The following CPNE4 variants were observed in gnomAD, a reference collection of about 807,000 sequenced individuals.
The protein encoded by CPNE4 is copine 4, also known as copine-4.
A neutral mutation model predicts 67.9 loss-of-function variants in CPNE4; 25 were observed. The observed-to-expected ratio is 0.37, with a 90% CI of 0.27 to 0.51. The LOEUF (loss-of-function observed/expected upper bound fraction) is 0.51, where lower values mean the gene tolerates loss of function less well. Among genes scored for constraint, CPNE4 ranks in the 20% least tolerant of loss-of-function variants. CPNE4 has a pLI of 0.93. For missense variants in CPNE4, 464 were observed against 690.8 expected, an observed-to-expected ratio of 0.67 and a Z score of 3.68; for synonymous variants, 242 against 244.9, an observed-to-expected ratio of 0.99 and a Z score of 0.11.
intron 2 of CPNE4, among the ~76,000 whole-genome samples, chr3:131,761,111 C>T (rs1417070894): frequency 2.0e-5 from 3 of 151,216 alleles, no homozygotes; most frequent in East Asian, 3.9e-4. Context: ...TGCTTTTTCC[C>T]CTCAAGAGGG....
chr3:131,919,321 T>C (rs1374877762), intron 1 of CPNE4, among the ~76,000 whole-genome samples: 1 of 152,048 alleles, frequency 6.6e-6, no homozygotes, highest in Non-Finnish European at 1.5e-5. Context: ...AAGAAAAGGA[T>C]GGGGAATAAC....
intron 1 of CPNE4, among the ~76,000 whole-genome samples, chr3:131,918,077 A>G (rs963413755): frequency 1.3e-4 from 20 of 152,206 alleles, no homozygotes; most frequent in African/African-American, 4.8e-4. Context: ...TTCAAGAGTT[A>G]TGGAAGGTAG....
At chr3:131,862,955 G>C (rs1277961221) in intron 2 of CPNE4, among the ~76,000 whole-genome samples, 1 of 150,090 alleles carries the variant, frequency 6.7e-6, no homozygotes, top group East Asian at 2.0e-4. Flanking sequence ...GAGAACATGC[G>C]GTGTTTGGTT....
At chr3:131,901,781 G>A (rs1018524244) in intron 2 of CPNE4, among the ~76,000 whole-genome samples, 2 of 152,112 alleles carry the variant, frequency 1.3e-5, no homozygotes, top group Non-Finnish European at 2.9e-5. Context: ...TCACCCAGAG[G>A]AGTGCTGGCT....
At position 131,697,999 on chromosome 3, in the gene CPNE4, A is replaced by T. The variant is rs2081194660; in HGVS notation, c.433-1383T>A. ...TGTAATCCCAGCACTTTGGGAGGTG[A>T]GGCGGGCGGATCACGAGGTCAGGAG... On this transcript the variant is annotated intron_variant, in intron 4 of 15. Coordinates refer to ENST00000429747, the MANE Select transcript of CPNE4 (RefSeq NM_130808.3). Among the ~76,000 whole-genome samples the T allele has an allele frequency of 2.0e-5, 3 of 151,972 alleles. No homozygotes were observed. In the South Asian group the frequency reaches 6.2e-4, roughly 32 times the overall value.
intron 2 of CPNE4, among the ~76,000 whole-genome samples, chr3:131,754,357 CCAAA>C (rs2082704323): frequency 6.6e-6 from 1 of 150,738 alleles, no homozygotes; most frequent in Non-Finnish European, 1.5e-5. Flanking sequence ...GAGGGTGGAA[CCAAA>C]CAAAGAAGTA....
In CPNE4 at chr3:131,564,187, A is replaced by T. The variant is rs759862889; in HGVS notation, c.1061+29T>A. 2.9e-5 allele frequency: 47 copies of T among 1,611,748 alleles called. No homozygotes were observed. The Middle Eastern group carries it at 5.0e-4, about 17-fold the overall frequency. The stretch of plus-strand genomic sequence containing the variant: ...CGTCTGAACCCACATGAGAGATGAT[A>T]AGGCTCCAAATGTCCTGAAGCCTCT... On this transcript the variant is annotated intron_variant, in intron 11 of 15. Coordinates refer to ENST00000429747, the MANE Select transcript of CPNE4 (RefSeq NM_130808.3).
intron 10 of CPNE4, among the ~76,000 whole-genome samples, chr3:131,566,295 G>A (rs955428917): frequency 2.6e-5 from 4 of 151,916 alleles, no homozygotes; most frequent in Non-Finnish European, 5.9e-5. Context: ...AAACTGAAAT[G>A]TGTGTGTATG....
chr3:131,949,647 TA>T (rs1425852415), intron 1 of CPNE4, among the ~76,000 whole-genome samples: 1 of 152,196 alleles, frequency 6.6e-6, no homozygotes, highest in Non-Finnish European at 1.5e-5. Flanking sequence ...CAATAAGTTC[TA>T]CCTTATGAAA....
intron 7 of CPNE4, among the ~76,000 whole-genome samples, chr3:131,606,636 A>G (rs1939525277): frequency 6.6e-6 from 1 of 152,130 alleles, no homozygotes; most frequent in Non-Finnish European, 1.5e-5. Context: ...GCACAAAATC[A>G]TCAGGACATT....
intron 1 of CPNE4, among the ~76,000 whole-genome samples, chr3:131,935,919 A>C (rs2071205902): frequency 1.3e-5 from 2 of 151,996 alleles, no homozygotes; most frequent in Admixed American, 6.6e-5. Context: ...GATTCATAGA[A>C]GGATATGAAT....
intron 2 of CPNE4, among the ~76,000 whole-genome samples, chr3:131,826,703 A>G (rs1200170215): frequency 2.0e-5 from 3 of 152,122 alleles, no homozygotes; most frequent in African/African-American, 7.2e-5. Context: ...ACCCTCAGAA[A>G]TCCTCTTATA....
intron 7 of CPNE4, among the ~76,000 whole-genome samples, chr3:131,612,738 C>G (rs1270699486): frequency 1.3e-5 from 2 of 152,192 alleles, no homozygotes; most frequent in Non-Finnish European, 2.9e-5. Flanking sequence ...CTACGTTAGA[C>G]TCCTCCTCAA....
At chr3:131,837,454 G>A (rs1225108467) in intron 2 of CPNE4, among the ~76,000 whole-genome samples, 1 of 152,104 alleles carries the variant, frequency 6.6e-6, no homozygotes. Context: ...CACAGTGTGT[G>A]ATTTCACTTT....
chr3:131,624,841 T>G (rs958293722), intron 7 of CPNE4, among the ~76,000 whole-genome samples: 2 of 152,198 alleles, frequency 1.3e-5, no homozygotes, highest in East Asian at 1.9e-4. Context: ...TATTATCTGA[T>G]TGGGTGCTAC....
chr3:131,580,388 C>A (rs7651864), intron 9 of CPNE4, among the ~76,000 whole-genome samples: 34 of 132,230 alleles, frequency 2.6e-4, no homozygotes, highest in African/African-American at 1.0e-3. Context: ...ACATTGGCCT[C>A]TATACATATA....
At chr3:131,648,873 C>T (rs2079736480) in intron 7 of CPNE4, among the ~76,000 whole-genome samples, 1 of 152,078 alleles carries the variant, frequency 6.6e-6, no homozygotes, top group African/African-American at 2.4e-5. Flanking sequence ...CCACAGAAGC[C>T]CAATTCCTGT....
intron 2 of CPNE4, among the ~76,000 whole-genome samples, chr3:131,813,067 T>C (rs2084598311): frequency 6.6e-6 from 1 of 152,198 alleles, no homozygotes; most frequent in Admixed American, 6.5e-5. Flanking sequence ...AATTGTATTA[T>C]ATTGACTTAA....
intron 2 of CPNE4, among the ~76,000 whole-genome samples, chr3:131,794,732 T>C (rs994702494): frequency 1.3e-5 from 2 of 152,232 alleles, no homozygotes; most frequent in Admixed American, 6.5e-5. Context: ...TACAGGTAGA[T>C]GTTCTTCCTT....
Sources: gnomAD v4.1 joint callset for allele counts (sites outside exome capture counted in the v4.1 genomes callset) on GRCh38, gnomAD v4.1.1 for gene constraint, MANE v1.5 for transcripts, NCBI Gene and HGNC (gene_info 2026-07-23, HGNC 2026-07-21) for gene names.